The following SLC25A13 variants were observed in gnomAD, a reference collection of about 807,000 sequenced individuals.
The protein encoded by SLC25A13 is electrogenic aspartate/glutamate antiporter SLC25A13, mitochondrial.
SLC25A13 carries 70 observed loss-of-function variants against 85.5 expected under a neutral mutation model. That is an observed-to-expected ratio of 0.82 (90% CI 0.68 to 1.00). The LOEUF (loss-of-function observed/expected upper bound fraction) is 1.00. SLC25A13 is among the 50% of genes least tolerant of loss of function. The pLI is 0.00. For synonymous variants in SLC25A13, 259 were observed against 288.7 expected, an observed-to-expected ratio of 0.90 and a Z score of 1.04; for missense variants, 765 against 819.8, an observed-to-expected ratio of 0.93 and a Z score of 0.82.
At chr7:96,167,680 C>A (rs1306955386) in intron 13 of SLC25A13, among the ~76,000 whole-genome samples, 2 of 152,220 alleles carry the variant, frequency 1.3e-5, no homozygotes, top group Non-Finnish European at 2.9e-5. Context: ...CCTTACAAAA[C>A]CCTTTGTATT....
intron 1 of SLC25A13, among the ~76,000 whole-genome samples, chr7:96,313,247 G>A (rs942701145): frequency 6.6e-5 from 10 of 152,160 alleles, no homozygotes; most frequent in Non-Finnish European, 1.5e-4. Context: ...CTGGAGGGAG[G>A]AGACAATCTC....
intron 14 of SLC25A13, among the ~76,000 whole-genome samples, chr7:96,138,626 C>G (rs1439328293): frequency 6.6e-6 from 1 of 152,064 alleles, no homozygotes; most frequent in African/African-American, 2.4e-5. Context: ...TCTTGAACTC[C>G]TGCACTCCCA....
rs144635567 is a variant in SLC25A13, at chr7:96,317,672, G to A, written c.15+4270C>T. The stretch of plus-strand genomic sequence containing the variant: ...TTCTCCTACTGCTCCCACAAACCTT[G>A]TAGTGGGAGCATTTCCATCAGAGAA... On this transcript the variant is annotated intron_variant, in intron 1 of 17. Coordinates refer to ENST00000265631, the MANE Select transcript of SLC25A13 (RefSeq NM_014251.3). Among the ~76,000 whole-genome samples, 35 of 151,990 alleles carry A rather than the reference G, an allele frequency of 2.3e-4. No homozygotes were observed. In the East Asian group the frequency reaches 6.2e-3, roughly 27 times the overall value.
chr7:96,155,130 T>G (rs1182644472), intron 13 of SLC25A13, among the ~76,000 whole-genome samples: 1 of 152,028 alleles, frequency 6.6e-6, no homozygotes, highest in Non-Finnish European at 1.5e-5. Flanking sequence ...TTCCCAGAGG[T>G]CTCATCTTTT....
intron 13 of SLC25A13, among the ~76,000 whole-genome samples, chr7:96,166,419 T>C (rs998542583): frequency 1.3e-5 from 2 of 152,224 alleles, no homozygotes; most frequent in African/African-American, 4.8e-5. Flanking sequence ...CTTTCTTTCT[T>C]AGTAATATTA....
intron 15 of SLC25A13, among the ~76,000 whole-genome samples, chr7:96,127,113 C>G (rs1282019721): frequency 6.6e-6 from 1 of 152,182 alleles, no homozygotes; most frequent in Non-Finnish European, 1.5e-5. Flanking sequence ...ACTTGTTCCT[C>G]TATCTTATCA....
At chr7:96,313,077 T>C (rs1800003734) in intron 1 of SLC25A13, among the ~76,000 whole-genome samples, 1 of 152,228 alleles carries the variant, frequency 6.6e-6, no homozygotes, top group Non-Finnish European at 1.5e-5. Flanking sequence ...TGGTGAGTTC[T>C]AGGTCAGCAG....
chr7:96,187,492 C>T (rs1283230255), intron 9 of SLC25A13, among the ~76,000 whole-genome samples: 1 of 152,088 alleles, frequency 6.6e-6, no homozygotes, highest in South Asian at 2.1e-4. Context: ...TCAATAGTAC[C>T]TTCATTTTGA....
chr7:96,268,970 GA>G (rs1584538938), intron 3 of SLC25A13, among the ~76,000 whole-genome samples: 1 of 152,312 alleles, frequency 6.6e-6, no homozygotes, highest in East Asian at 1.9e-4. Context: ...CAGTCCAAAT[GA>G]AGCCCTTATT....
chr7:96,168,067 T>C (rs1369668625), intron 13 of SLC25A13, among the ~76,000 whole-genome samples: 2 of 110,968 alleles, frequency 1.8e-5, no homozygotes, highest in Non-Finnish European at 3.3e-5. Flanking sequence ...GCCACTGCAC[T>C]CCAGCCTGGT....
intron 3 of SLC25A13, among the ~76,000 whole-genome samples, chr7:96,265,086 C>G (rs1011514320): frequency 6.6e-6 from 1 of 152,052 alleles, no homozygotes; most frequent in Non-Finnish European, 1.5e-5. Context: ...GATACAACAC[C>G]AAATCCCAAC....
intron 1 of SLC25A13, among the ~76,000 whole-genome samples, chr7:96,300,850 A>T (rs1799523484): frequency 6.6e-6 from 1 of 152,196 alleles, no homozygotes; most frequent in South Asian, 2.1e-4. Flanking sequence ...CCTGGGCCTC[A>T]TCTCTATAGT....
chr7:96,263,336 T>C (rs577425350), intron 3 of SLC25A13, among the ~76,000 whole-genome samples: 86 of 152,312 alleles, frequency 5.6e-4, no homozygotes, highest in African/African-American at 1.9e-3. Context: ...CTGTGTTCTC[T>C]AGAATTCAGT....
intron 13 of SLC25A13, among the ~76,000 whole-genome samples, chr7:96,155,413 CCTT>C (rs1374013612): frequency 2.0e-5 from 3 of 152,120 alleles, no homozygotes; most frequent in South Asian, 4.1e-4. Flanking sequence ...TTTTCGTCCT[CCTT>C]CTTTTCTTTG....
chr7:96,208,496 C>T (rs535555681), intron 5 of SLC25A13, among the ~76,000 whole-genome samples: 1 of 151,518 alleles, frequency 6.6e-6, no homozygotes, highest in African/African-American at 2.4e-5. Context: ...TACTTATTTA[C>T]CCTTTTAACT....
intron 5 of SLC25A13, among the ~76,000 whole-genome samples, chr7:96,200,543 C>G (rs1206764672): frequency 3.3e-5 from 5 of 151,648 alleles, no homozygotes; most frequent in Admixed American, 1.3e-4. Flanking sequence ...GTGTACCTCC[C>G]CCCACCCCCC....
At chr7:96,268,933 C>T (rs1277839145) in intron 3 of SLC25A13, among the ~76,000 whole-genome samples, 2 of 152,234 alleles carry the variant, frequency 1.3e-5, no homozygotes, top group East Asian at 3.9e-4. Flanking sequence ...ACTCAGATGT[C>T]ACTCATGGAA....
chr7:96,230,250 CAATTA>C (rs1796491424), intron 4 of SLC25A13, among the ~76,000 whole-genome samples: 1 of 152,116 alleles, frequency 6.6e-6, no homozygotes, highest in Non-Finnish European at 1.5e-5. Context: ...TATATAGTTC[CAATTA>C]AATTAAGTTT....
rs143757737 is a variant in SLC25A13, at chr7:96,177,418, T to C, written c.1178-5894A>G. 2.2e-4 allele frequency among the ~76,000 whole-genome samples: 34 copies of C among 152,348 alleles called. No homozygotes were observed. In the East Asian group the frequency reaches 6.2e-3, roughly 28 times the overall value. On this transcript the variant is annotated intron_variant, in intron 11 of 17. Transcript: ENST00000265631. ...TCTGCTGACAAGCAACTTTTCACAA[T>C]GTAATTTCTACCAGGTGACAAAAGA... is the stretch of plus-strand genomic sequence containing the variant.
Sources: gnomAD v4.1 joint callset for allele counts (sites outside exome capture counted in the v4.1 genomes callset) on GRCh38, gnomAD v4.1.1 for gene constraint, MANE v1.5 for transcripts, NCBI Gene and HGNC (gene_info 2026-07-23, HGNC 2026-07-21) for gene names.